Variants in ADGRL1 observed in about 807,000 individuals in gnomAD.
ADGRL1 encodes the protein adhesion G protein-coupled receptor L1, also known as CIRL-1.
In ADGRL1, 31 loss-of-function variants were observed where a neutral mutation model predicts 148.9. The ratio of observed to expected loss-of-function variants is 0.21; its 90% CI spans 0.16 to 0.28. ADGRL1 has a LOEUF of 0.28. Ranked by LOEUF, ADGRL1 falls within the 10% of genes least tolerant of loss-of-function variation. The pLI is 1.00. For missense variants in ADGRL1, 1,521 were observed against 2,058.8 expected (o/e 0.74, Z 5.05); for synonymous variants, 937 against 900.3 (o/e 1.04, Z -0.73).
rs1968076468 is a variant in ADGRL1 at position 14,150,740 on chromosome 19, G to A, written c.*133C>T. The A allele has an allele frequency of 1.8e-6, 2 of 1,099,156 alleles. No individual in the cohort carries two copies. The highest frequency in any genetic ancestry group is 2.6e-6 in the Non-Finnish European group (2 of 776,976). The allele number at this position is 1,099,156 out of a possible 1,614,324, so 68.1% of individuals were successfully genotyped here. On this transcript the variant is annotated 3_prime_UTR_variant, in exon 23 of 23. Transcript: ENST00000361434. ...TAGAGTCCCCTGAGGGGACTGTAGGGCCCATGGCTGAGGGGCACCTGGAGA... is the reference window on the plus strand; with the variant it reads ...TAGAGTCCCCTGAGGGGACTGTAGGACCCATGGCTGAGGGGCACCTGGAGA...
At chr19:14,203,605 C>A (rs1972759223) in intron 1 of ADGRL1, among the ~76,000 whole-genome samples, 1 of 151,106 alleles carries the variant, frequency 6.6e-6, no homozygotes, top group African/African-American at 2.4e-5. Flanking sequence ...GTAGGCTCCT[C>A]CCCAACGTGC....
chr19:14,167,202 G>A (rs577247444), intron 4 of ADGRL1, among the ~76,000 whole-genome samples: 10 of 152,124 alleles, frequency 6.6e-5, no homozygotes, highest in Admixed American at 2.6e-4. Flanking sequence ...GCATCAGCTC[G>A]GGCCCCCGCC....
At chr19:14,188,986 A>C (rs1035394366) in intron 1 of ADGRL1, among the ~76,000 whole-genome samples, 6 of 151,986 alleles carry the variant, frequency 3.9e-5, no homozygotes, top group Admixed American at 3.9e-4. Context: ...TCCTGACCTC[A>C]AGTGATCCAC....
At chr19:14,201,721 A>G (rs1209108040) in intron 1 of ADGRL1, among the ~76,000 whole-genome samples, 1 of 152,120 alleles carries the variant, frequency 6.6e-6, no homozygotes, top group Admixed American at 6.6e-5. Context: ...TGGGTCAGGT[A>G]AGACTTCTTG....
chr19:14,155,774 C>T lies in ADGRL1; in HGVS notation c.3126-247G>A, dbSNP rs1968665934. 1.7e-6 allele frequency: 1 copy of T among 577,836 alleles called. No individual in the cohort carries two copies. Among genetic ancestry groups the T allele is most frequent in the South Asian group, 2.1e-5 (1 of 46,526 alleles). The allele number at this position is 577,836 out of a possible 1,614,324, so 35.8% of individuals were successfully genotyped here. On this transcript the variant is annotated intron_variant, in intron 17 of 22. Transcript: ENST00000361434. This position sits in a 1 kb window ranked among gnomAD's most constrained non-coding sequence, Gnocchi z 5.0. ...TGAACATCAGTTATTCCTCTGCCAA[C>T]TTCATTGTTTCTGCTAAATTTCCAG...
At chr19:14,156,636 G>T in intron 16 of ADGRL1, 22 bp downstream of exon 16, 1 of 1,603,524 alleles carries the variant, frequency 6.2e-7, no homozygotes, top group Admixed American at 1.7e-5. Context: ...TGTGGTGCTA[G>T]GGGTGTCACC....
At position 14,159,288 on chromosome 19, in the gene ADGRL1, C is replaced by T. The variant is rs562247593; in HGVS notation, c.2024-73G>A. ...CAGTCCAGGGGCTCAGGCTGCAGAA[C>T]GAGACTCTGGCAAGATGCCCAAGGG... is the stretch of plus-strand genomic sequence containing the variant. On this transcript the variant is annotated intron_variant, in intron 10 of 22. Coordinates refer to ENST00000361434, the MANE Select transcript of ADGRL1 (RefSeq NM_014921.5). This position sits in a 1 kb window ranked among gnomAD's most constrained non-coding sequence, Gnocchi z 6.0. The T allele has an allele frequency of 3.5e-5, 55 of 1,585,264 alleles. No individual in the cohort carries two copies. The Middle Eastern group carries it at 8.4e-4, about 24-fold the overall frequency.
intron 1 of ADGRL1, among the ~76,000 whole-genome samples, chr19:14,205,195 G>A (rs1330402432): frequency 6.6e-6 from 1 of 152,022 alleles, no homozygotes; most frequent in Non-Finnish European, 1.5e-5. Context: ...TCCCAGGACC[G>A]TCAGATGGGA....
In ADGRL1 at chr19:14,184,823, T is replaced by A. The variant is rs567774259; in HGVS notation, c.-95-1126A>T. On this transcript the variant is annotated intron_variant, in intron 1 of 22. Coordinates refer to ENST00000361434, the MANE Select transcript of ADGRL1 (RefSeq NM_014921.5). ...CCCGGCTAATTTTTTGTATTTTTAG[T>A]CGAGATGGGGTTTCACCGTGTTAGC... 1.9e-4 allele frequency among the ~76,000 whole-genome samples: 29 copies of A among 151,826 alleles called. No homozygotes were observed. The South Asian group carries it at 5.8e-3, about 30-fold the overall frequency.
rs1967766319 is a variant in ADGRL1 at position 14,147,995 on chromosome 19, C to G, written c.*2878G>C. The G allele has an allele frequency of 6.6e-6, 1 of 152,376 alleles. No homozygotes were observed. Among genetic ancestry groups the G allele is most frequent in the Admixed American group, 6.6e-5 (1 of 15,238 alleles). The allele number at this position is 152,376 out of a possible 1,614,324, so 9.4% of individuals were successfully genotyped here. A position where few individuals can be genotyped will look rare whatever the true frequency, so the allele number is the denominator to read the frequency against. On this transcript the variant is annotated 3_prime_UTR_variant, in exon 23 of 23. Transcript: ENST00000361434. ...AAGAGAAGAGGAACATAGAGACAGCCAGAAAGACATGGGGAAAGAGTGTTG... is the reference window on the plus strand; with the variant it reads ...AAGAGAAGAGGAACATAGAGACAGCGAGAAAGACATGGGGAAAGAGTGTTG...
chr19:14,168,140 G>A (rs1302295894), intron 4 of ADGRL1, among the ~76,000 whole-genome samples: 1 of 151,410 alleles, frequency 6.6e-6, no homozygotes, highest in Non-Finnish European at 1.5e-5. Context: ...CTCCCCCTCT[G>A]CATCCCTGGC....
At chr19:14,179,448 T>A (rs969574169) in intron 2 of ADGRL1, among the ~76,000 whole-genome samples, 3 of 150,314 alleles carry the variant, frequency 2.0e-5, no homozygotes, top group African/African-American at 7.4e-5. Context: ...GAGCTGAGAT[T>A]GCACCACTGC....
At chr19:14,201,497 G>A (rs1972612336) in intron 1 of ADGRL1, among the ~76,000 whole-genome samples, 1 of 151,054 alleles carries the variant, frequency 6.6e-6, no homozygotes, top group South Asian at 2.1e-4. Context: ...GCTCACTGCA[G>A]CCTCAAACCT....
chr19:14,160,541 G>T lies in ADGRL1; in HGVS notation c.1614+52C>A. On this transcript the variant is annotated intron_variant, in intron 7 of 22. Transcript: ENST00000361434. This position sits in a 1 kb window ranked among gnomAD's most constrained non-coding sequence, Gnocchi z 5.9. Reference sequence around the variant, plus strand: ...TGCTCCACGACCCCCGCTGGGCCCTGGGCCCTGGGCCCGAGCACATGTGCC... The same window carrying T: ...TGCTCCACGACCCCCGCTGGGCCCTTGGCCCTGGGCCCGAGCACATGTGCC... The T allele has an allele frequency of 7.3e-7, 1 of 1,368,056 alleles. No homozygotes were observed. The highest frequency in any genetic ancestry group is 1.0e-6 in the Non-Finnish European group (1 of 998,404). 84.7% of individuals were successfully genotyped at this position (1,368,056 alleles called of 1,614,324 possible). A position where few individuals can be genotyped will look rare whatever the true frequency, so the allele number is the denominator to read the frequency against.
Position 14,160,109 on chromosome 19 carries a change from C to G in ADGRL1, c.1800+3G>C. On this transcript the variant is annotated splice_donor_region_variant and intron_variant, in intron 8 of 22. Transcript: ENST00000361434. The surrounding 1 kb of genome is among the most constrained non-coding windows in gnomAD (Gnocchi z 5.9). Reference sequence around the variant, plus strand: ...CCAGGTCAGCGCCACCGCCAGGCCCCACCTTGTTGTAGTTCTTGCCGGCTG... The same window carrying G: ...CCAGGTCAGCGCCACCGCCAGGCCCGACCTTGTTGTAGTTCTTGCCGGCTG... 6.3e-7 allele frequency: 1 copy of G among 1,577,350 alleles called. No homozygotes were observed. The highest frequency in any genetic ancestry group is 8.7e-7 in the Non-Finnish European group (1 of 1,152,750).
intron 1 of ADGRL1, among the ~76,000 whole-genome samples, chr19:14,191,996 CCT>C (rs961482922): frequency 5.3e-5 from 8 of 152,116 alleles, no homozygotes; most frequent in Middle Eastern, 3.2e-3. Flanking sequence ...CAAGCGCCGG[CCT>C]CTCTCTTCTT....
chr19:14,202,817 C>A (rs1313252732), intron 1 of ADGRL1, among the ~76,000 whole-genome samples: 1 of 151,990 alleles, frequency 6.6e-6, no homozygotes, highest in African/African-American at 2.4e-5. Flanking sequence ...CCCAGCATGA[C>A]CACCCCCTCT....
rs960838693 is a variant in ADGRL1, at chr19:14,162,724, G to A, written c.1077C>T (p.Asn359=). ...CAACGGAGGAGATGAACTGGTAGGG[G>A]TTGGGGAAGGTGAGGCTGACAGGCT... ...REEPVSLTFP[N]PYQFISSVDY... The change falls in exon 5 of 23, where the codon AAC becomes AAT. Residue 359 remains asparagine, a synonymous_variant. Coordinates refer to ENST00000361434, the MANE Select transcript of ADGRL1 (RefSeq NM_014921.5). This position sits in a 1 kb window ranked among gnomAD's most constrained non-coding sequence, Gnocchi z 5.4. 7 of 1,614,106 alleles carry A rather than the reference G, an allele frequency of 4.3e-6. No individual in the cohort carries two copies. In the Admixed American group the frequency reaches 8.3e-5, roughly 19 times the overall value.
chr19:14,156,552 AGTGT>A (rs3830196), intron 16 of ADGRL1, 102 bp downstream of exon 16: 8 of 459,122 alleles, frequency 1.7e-5, no homozygotes, highest in Non-Finnish European at 2.8e-5. Flanking sequence ...AGAGAGAGAG[AGTGT>A]GTGTGTGTGT....
Sources: gnomAD v4.1 joint callset for allele counts (sites outside exome capture counted in the v4.1 genomes callset) on GRCh38, gnomAD v4.1.1 for gene constraint, Gnocchi (gnomAD v3.1) non-coding constraint, MANE v1.5 for transcripts, NCBI Gene and HGNC (gene_info 2026-07-23, HGNC 2026-07-21) for gene names.